The following ZUP1 variants were observed in gnomAD, a reference collection of about 807,000 sequenced individuals.
ZUP1 encodes zinc finger containing ubiquitin peptidase 1, also known as zinc finger-containing ubiquitin peptidase 1.
Under a neutral mutation model 68.1 loss-of-function variants are expected in ZUP1, and 55 were observed. The observed-to-expected ratio is 0.81, with a 90% CI of 0.65 to 1.01. ZUP1 has a LOEUF of 1.01. Ranked by LOEUF, ZUP1 falls within the 50% of genes least tolerant of loss-of-function variation. ZUP1 has a pLI of 0.00. For synonymous variants in ZUP1, 223 were observed against 221.5 expected (o/e 1.01, Z -0.06); for missense variants, 684 against 674.9 (o/e 1.01, Z -0.15).
Position 116,647,545 on chromosome 6 carries a change from C to G in ZUP1, c.1382G>C (p.Trp461Ser), listed in dbSNP as rs1027260714. 1.2e-6 allele frequency: 2 copies of G among 1,601,318 alleles called. No individual in the cohort carries two copies. The highest frequency in any genetic ancestry group is 2.7e-5 in the African/African-American group (2 of 74,870). ...PLGTHPRLFE[W>S]ILNYYSSEGE... The stretch of plus-strand genomic sequence containing the variant: ...CTCTGAAGAATAATAGTTCAATATC[C>G]ATTCAAATAAGCGAGGGTGTGTACC... The change falls in exon 8 of 10, where the codon TGG (tryptophan) becomes TCG (serine). Residue 461 changes from tryptophan to serine, a missense_variant. Transcript: ENST00000368576.
intron 4 of ZUP1, among the ~76,000 whole-genome samples, chr6:116,657,334 T>C (rs1475233146): frequency 2.0e-5 from 3 of 152,200 alleles, no homozygotes; most frequent in Admixed American, 6.5e-5. Context: ...TATAAAACTA[T>C]GGAAAAATTG....
At chr6:116,659,505 T>C (rs986715214) in intron 3 of ZUP1, among the ~76,000 whole-genome samples, 1 of 152,088 alleles carries the variant, frequency 6.6e-6, no homozygotes, top group Admixed American at 6.6e-5. Context: ...TCTTATGAAG[T>C]AGTTATTATT....
chr6:116,651,864 TTTCTC>T, intron 6 of ZUP1, 127 bp from the exon 7 acceptor site: 1 of 1,407,060 alleles, frequency 7.1e-7, no homozygotes, highest in Non-Finnish European at 9.6e-7. Flanking sequence ...CTTCTATCAT[TTTCTC>T]TTCCTCTAAC....
intron 9 of ZUP1, among the ~76,000 whole-genome samples, chr6:116,642,761 C>T (rs1052646742): frequency 2.8e-4 from 43 of 152,108 alleles, no homozygotes; most frequent in African/African-American, 1.0e-3. Context: ...GAAGCATTCC[C>T]TTTGAAAACT....
chr6:116,666,858 G>C lies in ZUP1; in HGVS notation c.335C>G (p.Thr112Ser), dbSNP rs1427580321. The change falls in exon 2 of 10, where the codon ACT becomes AGT. Residue 112 changes from threonine to serine, a missense_variant. By Grantham distance (58) the Thr-to-Ser change is moderately conservative. Transcript: ENST00000368576. ...NSAQNLTKDS[T>S]LKHEGFYSEN... ...TGAATAGAAGCCTTCATGTTTTAAA[G>C]TACTATCTTTAGTCAGGTTTTGAGC... The C allele has an allele frequency of 6.2e-7, 1 of 1,610,084 alleles. No homozygotes were observed. Among genetic ancestry groups the C allele is most frequent in the Admixed American group, 1.7e-5 (1 of 59,176 alleles).
At chr6:116,637,763 G>C (rs1157816364) in intron 9 of ZUP1, among the ~76,000 whole-genome samples, 2 of 152,080 alleles carry the variant, frequency 1.3e-5, no homozygotes, top group African/African-American at 2.4e-5. Context: ...TTAATGATAG[G>C]GTTAAAAAAA....
intron 9 of ZUP1, 85 bp downstream of exon 9, chr6:116,645,629 G>T: frequency 3.0e-4 from 233 of 779,042 alleles, no homozygotes; most frequent in Non-Finnish European, 4.1e-4. Flanking sequence ...AAAGAAAAAA[G>T]TGATAACACT....
At chr6:116,659,745 T>A (rs1206729085) in intron 3 of ZUP1, among the ~76,000 whole-genome samples, 1 of 152,246 alleles carries the variant, frequency 6.6e-6, no homozygotes, top group Non-Finnish European at 1.5e-5. Context: ...GCATCTTCTC[T>A]ACTCGGTGTC....
rs1491247434 is a variant in ZUP1 at position 116,657,025 on chromosome 6, A to AC, written c.793-174_793-173insG. Among the ~76,000 whole-genome samples the AC allele has an allele frequency of 6.9e-4, 87 of 126,678 alleles. No individual in the cohort carries two copies. The South Asian group carries it at 8.6e-3, about 13-fold the overall frequency. The allele number at this position is 126,678 out of a possible 152,430, so 83.1% of individuals were successfully genotyped here. A position where few individuals can be genotyped will look rare whatever the true frequency, so the allele number is the denominator to read the frequency against. ...TAATAACACACACACACACACACAC[A>AC]AAAAAAAATTATTGACTTAATAAGC... On this transcript the variant is annotated intron_variant, in intron 4 of 9. Coordinates refer to ENST00000368576, the MANE Select transcript of ZUP1 (RefSeq NM_145062.3).
chr6:116,637,880 T>C (rs1047359677), intron 9 of ZUP1, among the ~76,000 whole-genome samples: 12 of 152,126 alleles, frequency 7.9e-5, no homozygotes, highest in African/African-American at 2.2e-4. Flanking sequence ...CTGGCTAACA[T>C]GGTGAAACCC....
At chr6:116,651,812 C>T (rs1238793718) in intron 6 of ZUP1, 75 bp from the exon 7 acceptor site, 2 of 1,534,500 alleles carry the variant, frequency 1.3e-6, no homozygotes, top group Admixed American at 1.9e-5. Flanking sequence ...GTATTATGTA[C>T]TCGGGGAACT....
chr6:116,640,569 T>A (rs1776064696), intron 9 of ZUP1, among the ~76,000 whole-genome samples: 1 of 151,944 alleles, frequency 6.6e-6, no homozygotes, highest in African/African-American at 2.4e-5. Flanking sequence ...CAACCCAGAA[T>A]TTCATATCCA....
At position 116,652,120 on chromosome 6, in the gene ZUP1, A is replaced by G; in HGVS notation, c.1034T>C (p.Val345Ala). 6.2e-7 allele frequency: 1 copy of G among 1,614,034 alleles called. No homozygotes were observed. Among genetic ancestry groups the G allele is most frequent in the Non-Finnish European group, 8.5e-7 (1 of 1,179,892 alleles). ...TAAAGATGAATGAAAGTGATCCACCACTGAAGAAAGCCACACCCGTCTCAC... is the reference window on the plus strand; with the variant it reads ...TAAAGATGAATGAAAGTGATCCACCGCTGAAGAAAGCCACACCCGTCTCAC... ...TDVRRVWLSSVVDHFHSSLGD... is the reference protein window; with the variant it reads ...TDVRRVWLSSAVDHFHSSLGD... The change falls in exon 6 of 10, where the codon GTG (valine) becomes GCG (alanine). Residue 345 changes from valine to alanine, a missense_variant. Coordinates refer to ENST00000368576, the MANE Select transcript of ZUP1 (RefSeq NM_145062.3).
intron 2 of ZUP1, among the ~76,000 whole-genome samples, chr6:116,664,920 T>A (rs1168656123): frequency 6.6e-6 from 1 of 151,070 alleles, no homozygotes; most frequent in East Asian, 1.9e-4. Context: ...CAGAAAAAAT[T>A]TTAAAAAGTG....
rs1357160552 is a variant in ZUP1, at chr6:116,652,175, G to C, written c.979C>G (p.His327Asp). The C allele has an allele frequency of 6.2e-7, 1 of 1,611,888 alleles. No individual in the cohort carries two copies. Among genetic ancestry groups the C allele is most frequent in the South Asian group, 1.1e-5 (1 of 90,596 alleles). The change falls in exon 6 of 10, where the codon CAT becomes GAT. Residue 327 changes from histidine to aspartate, a missense_variant. Coordinates refer to ENST00000368576, the MANE Select transcript of ZUP1 (RefSeq NM_145062.3). ...TKTSGIIEALHRYYQNAATDV... is the reference protein window; with the variant it reads ...TKTSGIIEALDRYYQNAATDV... Reference sequence around the variant, plus strand: ...GTGGCAGCATTCTGATAATACCTATGAAGTGCTTCAATAATTCCTAAAGTA... The same window carrying C: ...GTGGCAGCATTCTGATAATACCTATCAAGTGCTTCAATAATTCCTAAAGTA...
At chr6:116,656,887 C>T (rs1198328719) in intron 4 of ZUP1, 35 bp from the exon 5 acceptor site, 6 of 1,411,970 alleles carry the variant, frequency 4.2e-6, no homozygotes, top group South Asian at 3.9e-5. Flanking sequence ...TTAATTTTTA[C>T]ATCCCTGTAA....
rs1776522544 is a variant in ZUP1 at position 116,652,119 on chromosome 6, C to G, written c.1035G>C (p.Val345=). 1.2e-6 allele frequency: 2 copies of G among 1,613,996 alleles called. No homozygotes were observed. The highest frequency in any genetic ancestry group is 1.7e-6 in the Non-Finnish European group (2 of 1,179,902). The change falls in exon 6 of 10, where the codon GTG becomes GTC. Residue 345 remains valine (V), a synonymous_variant. Transcript: ENST00000368576. The part of the protein sequence containing the change: ...TDVRRVWLSS[V]VDHFHSSLGD... ...CTAAAGATGAATGAAAGTGATCCAC[C>G]ACTGAAGAAAGCCACACCCGTCTCA...
chr6:116,656,327 G>A (rs919912608), intron 5 of ZUP1, among the ~76,000 whole-genome samples: 10 of 150,950 alleles, frequency 6.6e-5, no homozygotes, highest in African/African-American at 9.7e-5. Flanking sequence ...CAGGTGATCC[G>A]CCTGTCTCAG....
chr6:116,649,467 T>C (rs865813527), intron 7 of ZUP1, among the ~76,000 whole-genome samples: 3 of 151,936 alleles, frequency 2.0e-5, no homozygotes, highest in Non-Finnish European at 1.5e-5. Context: ...ACAGAGAACA[T>C]ATAAAAGTAA....
Sources: gnomAD v4.1 joint callset for allele counts (sites outside exome capture counted in the v4.1 genomes callset) on GRCh38, gnomAD v4.1.1 for gene constraint, MANE v1.5 for transcripts, NCBI Gene and HGNC (gene_info 2026-07-23, HGNC 2026-07-21) for gene names.